Variants in ARHGEF11 observed in about 807,000 individuals in gnomAD.
ARHGEF11 encodes Rho guanine exchange factor (GEF) 11.
Under a neutral mutation model 193.7 loss-of-function variants are expected in ARHGEF11, and 55 were observed. That is an observed-to-expected ratio of 0.28 (90% CI 0.23 to 0.36). The LOEUF is 0.36. Among genes scored for constraint, ARHGEF11 ranks in the 10% least tolerant of loss-of-function variants. ARHGEF11 has a pLI of 1.00. For synonymous variants in ARHGEF11, 693 were observed against 768.0 expected, an observed-to-expected ratio of 0.90 and a Z score of 1.62; for missense variants, 1,723 against 2,005.6, an observed-to-expected ratio of 0.86 and a Z score of 2.69.
At chr1:156,956,804 G>A (rs1660024810) in intron 18 of ARHGEF11, among the ~76,000 whole-genome samples, 1 of 152,164 alleles carries the variant, frequency 6.6e-6, no homozygotes, top group Non-Finnish European at 1.5e-5. Context: ...CCCAGGAGAA[G>A]TCTTATTCTT....
At chr1:157,031,380 T>C (rs1467483806) in intron 1 of ARHGEF11, among the ~76,000 whole-genome samples, 1 of 152,180 alleles carries the variant, frequency 6.6e-6, no homozygotes, top group Non-Finnish European at 1.5e-5. Context: ...AGTGTAGCTA[T>C]TAGCCCTGAA....
chr1:156,997,526 T>C (rs948035787), intron 1 of ARHGEF11, among the ~76,000 whole-genome samples: 11 of 152,266 alleles, frequency 7.2e-5, no homozygotes, highest in African/African-American at 2.6e-4. Flanking sequence ...GCAGAGCAGA[T>C]GTGCACCTGA....
At chr1:156,957,651 C>A in intron 18 of ARHGEF11, 141 bp downstream of exon 18, 1 of 901,190 alleles carries the variant, frequency 1.1e-6, no homozygotes. Flanking sequence ...CACCTGAGTG[C>A]TAGACTTTCA....
chr1:157,012,491 A>T (rs1334621496), intron 1 of ARHGEF11, among the ~76,000 whole-genome samples: 1 of 152,180 alleles, frequency 6.6e-6, no homozygotes, highest in East Asian at 1.9e-4. Context: ...AATATATTTC[A>T]AAAAAACGAT....
chr1:157,027,057 T>C (rs1189663820), intron 1 of ARHGEF11, among the ~76,000 whole-genome samples: 1 of 152,198 alleles, frequency 6.6e-6, no homozygotes, highest in Non-Finnish European at 1.5e-5. Context: ...TAGTAAACTC[T>C]TTCAGGTAGC....
At chr1:156,974,517 T>C (rs1308057191) in intron 7 of ARHGEF11, among the ~76,000 whole-genome samples, 1 of 152,210 alleles carries the variant, frequency 6.6e-6, no homozygotes, top group African/African-American at 2.4e-5. Context: ...AGAGCTGTAA[T>C]TCATATGACA....
At chr1:157,009,986 C>G (rs1668355806) in intron 1 of ARHGEF11, among the ~76,000 whole-genome samples, 1 of 152,092 alleles carries the variant, frequency 6.6e-6, no homozygotes, top group Non-Finnish European at 1.5e-5. Flanking sequence ...GAAAACCCCA[C>G]AGCTAACATC....
intron 1 of ARHGEF11, among the ~76,000 whole-genome samples, chr1:157,032,475 T>C (rs1671423229): frequency 6.6e-6 from 1 of 152,182 alleles, no homozygotes; most frequent in Non-Finnish European, 1.5e-5. Flanking sequence ...TCAAACACAC[T>C]GAGTCAGAAC....
chr1:157,007,563 C>T (rs550421252), intron 1 of ARHGEF11, among the ~76,000 whole-genome samples: 2 of 152,042 alleles, frequency 1.3e-5, no homozygotes, highest in South Asian at 4.2e-4. Context: ...TGGGGTTGTG[C>T]GGCGGGGGGA....
chr1:156,983,991 ATG>A (rs2102457822), intron 3 of ARHGEF11, among the ~76,000 whole-genome samples: 1 of 152,334 alleles, frequency 6.6e-6, no homozygotes, highest in South Asian at 2.1e-4. Flanking sequence ...TAGCCAGGTA[ATG>A]TGGAGGTAAA....
At chr1:157,046,782 A>T (rs1246417308), upstream of ARHGEF11, among the ~76,000 whole-genome samples, 1 of 152,070 alleles carries the variant, frequency 6.6e-6, no homozygotes, top group African/African-American at 2.4e-5. Flanking sequence ...ATTAAGGCCG[A>T]GGCGGGGCCT....
In ARHGEF11 at chr1:156,978,235, GGAGGTGGTA is replaced by G. The variant is rs960403438; in HGVS notation, c.470_478del (p.Leu157_Pro159del). 1.2e-6 allele frequency: 2 copies of G among 1,614,194 alleles called. No individual in the cohort carries two copies. Among genetic ancestry groups the G allele is most frequent in the Admixed American group, 3.3e-5 (2 of 60,026 alleles). On this transcript the variant is annotated inframe_deletion, in exon 6 of 41. Coordinates refer to ENST00000368194, the MANE Select transcript of ARHGEF11 (RefSeq NM_198236.3). ...AGGTTTGGGTCCTGTGATGCGTTGT[GGAGGTGGTA>G]GAGGTGGAGGAGGTGGTGGTGAGGG...
intron 31 of ARHGEF11, 127 bp from the exon 32 acceptor site, chr1:156,944,229 C>T (rs533713752): frequency 1.8e-5 from 25 of 1,422,720 alleles, no homozygotes; most frequent in Non-Finnish European, 2.4e-5. Context: ...ATTTCTCTCT[C>T]TGATTATTCC....
At chr1:156,954,963 G>C in intron 20 of ARHGEF11, 42 bp from the exon 21 acceptor site, 1 of 1,533,012 alleles carries the variant, frequency 6.5e-7, no homozygotes, top group Non-Finnish European at 8.9e-7. Context: ...ACCATGAAAA[G>C]TCAATCAATG....
rs1433865023 is a variant in ARHGEF11, at chr1:156,976,106, C to G, written c.582+877G>C. ...TTCCAACACCCACCCCTAACATTAC[C>G]CCCATCTACTGCTCCAACACACACA... On this transcript the variant is annotated intron_variant, in intron 7 of 40. Coordinates refer to ENST00000368194, the MANE Select transcript of ARHGEF11 (RefSeq NM_198236.3). 2.0e-5 allele frequency among the ~76,000 whole-genome samples: 3 copies of G among 152,130 alleles called. 1 individual carries two copies. The highest frequency in any genetic ancestry group is 1.3e-4 in the Admixed American group (2 of 15,268).
At chr1:156,997,038 A>T (rs190785496) in intron 1 of ARHGEF11, among the ~76,000 whole-genome samples, 4,146 of 145,582 alleles carry the variant, frequency 0.028, 75 homozygotes, top group South Asian at 0.058. Context: ...GTTAAAAAAA[A>T]TTTTTTTTTT....
At chr1:156,991,642 A>G (rs1251181061) in intron 1 of ARHGEF11, among the ~76,000 whole-genome samples, 5 of 148,968 alleles carry the variant, frequency 3.4e-5, no homozygotes, top group Non-Finnish European at 7.4e-5. Flanking sequence ...TATGTTATCA[A>G]TTTGAGATAT....
chr1:156,940,880 C>T (rs1656720725), intron 35 of ARHGEF11, among the ~76,000 whole-genome samples: 1 of 152,136 alleles, frequency 6.6e-6, no homozygotes, highest in Non-Finnish European at 1.5e-5. Context: ...CCAGGAAACC[C>T]GAGATTTCTC....
rs1417846830 is a variant in ARHGEF11 at position 156,961,755 on chromosome 1, T to C, written c.1161A>G (p.Glu387=). The change falls in exon 14 of 41, where the codon GAA becomes GAG. Residue 387 remains glutamate, a synonymous_variant. Transcript: ENST00000368194. ...PSPLLFYLCA[E]VYQQASPKDS... ...CCTTGGGGCTTGCCTGCTGATAAACTTCTGCACACAGGTAAAAAAGCTAGG... is the reference window on the plus strand; with the variant it reads ...CCTTGGGGCTTGCCTGCTGATAAACCTCTGCACACAGGTAAAAAAGCTAGG... The C allele has an allele frequency of 2.5e-6, 4 of 1,614,076 alleles. No individual in the cohort carries two copies. The Admixed American group carries it at 5.0e-5, about 20-fold the overall frequency.
Sources: allele counts gnomAD v4.1 joint callset (sites outside exome capture counted in the v4.1 genomes callset), GRCh38; gene constraint gnomAD v4.1.1; transcripts MANE v1.5; gene names NCBI Gene and HGNC (gene_info 2026-07-23, HGNC 2026-07-21).